UNC5D: variants seen among roughly 807,000 people sequenced by gnomAD.
The protein encoded by UNC5D is unc-5 netrin receptor D.
In UNC5D, 39 loss-of-function variants were observed where a neutral mutation model predicts 105.4. The observed-to-expected ratio is 0.37, with a 90% confidence interval of 0.29 to 0.48. UNC5D has a LOEUF of 0.48. Ranked by LOEUF, UNC5D falls within the 20% of genes least tolerant of loss-of-function variation. The pLI is 0.98. For synonymous variants in UNC5D, 452 were observed against 450.4 expected (o/e 1.00, Z -0.04); for missense variants, 991 against 1,202.4 (o/e 0.82, Z 2.60).
intron 4 of UNC5D, among the ~76,000 whole-genome samples, chr8:35,630,316 T>C (rs1015728892): frequency 2.6e-5 from 4 of 152,244 alleles, no homozygotes; most frequent in Non-Finnish European, 5.9e-5. Context: ...TGCTTTTTTA[T>C]GATTAGTGTA....
chr8:35,397,686 C>T (rs1479816943), intron 1 of UNC5D, among the ~76,000 whole-genome samples: 1 of 152,124 alleles, frequency 6.6e-6, no homozygotes, highest in Non-Finnish European at 1.5e-5. Context: ...GAGTCTGTCT[C>T]ATTTGTTCTC....
chr8:35,747,084 C>G (rs1830046612), intron 11 of UNC5D, among the ~76,000 whole-genome samples: 1 of 152,152 alleles, frequency 6.6e-6, no homozygotes, highest in Non-Finnish European at 1.5e-5. Context: ...GAAGAATTGT[C>G]CATTTTGGAC....
At chr8:35,560,782 A>G (rs1442232918) in intron 2 of UNC5D, among the ~76,000 whole-genome samples, 1 of 152,168 alleles carries the variant, frequency 6.6e-6, no homozygotes, top group Non-Finnish European at 1.5e-5. Flanking sequence ...TTGGGAAAAT[A>G]CTGTGTTTGG....
chr8:35,317,706 G>A (rs1258265069), intron 1 of UNC5D, among the ~76,000 whole-genome samples: 1 of 151,890 alleles, frequency 6.6e-6, no homozygotes, highest in Non-Finnish European at 1.5e-5. Context: ...ACTAAGGGTA[G>A]GTATGGAGAA....
chr8:35,560,630 G>C (rs1052097634), intron 2 of UNC5D, among the ~76,000 whole-genome samples: 3 of 152,272 alleles, frequency 2.0e-5, no homozygotes, highest in South Asian at 2.1e-4. Context: ...ATTTGCCAAG[G>C]CTTCTTTTAG....
chr8:35,409,772 A>G (rs10954988), intron 1 of UNC5D, among the ~76,000 whole-genome samples: 7,503 of 152,044 alleles, frequency 0.049, 215 homozygotes, highest in African/African-American at 0.073. Context: ...CCCTATGATC[A>G]TGCCTTGATG....
rs114631302 is a variant in UNC5D, at chr8:35,648,561, C to T, written c.571-34986C>T. ...GGGTATGGTTGCAGGCACCTGCAAT[C>T]CCAGCTATTCGGGAGGCTGAGGCTG... On this transcript the variant is annotated intron_variant, in intron 4 of 16. Transcript: ENST00000404895. Among the ~76,000 whole-genome samples the T allele has an allele frequency of 7.2e-3, 1,090 of 151,830 alleles. 22 individuals are homozygous for T. Among genetic ancestry groups the T allele is most frequent in the African/African-American group, 0.024 (1,003 of 41,404 alleles).
At chr8:35,751,026 G>A (rs777516789) in intron 13 of UNC5D, among the ~76,000 whole-genome samples, 1 of 152,148 alleles carries the variant, frequency 6.6e-6, no homozygotes, top group Non-Finnish European at 1.5e-5. Flanking sequence ...AGCCGGCTGT[G>A]TGGGATACCG....
At chr8:35,359,825 T>G (rs778879520) in intron 1 of UNC5D, among the ~76,000 whole-genome samples, 1 of 152,176 alleles carries the variant, frequency 6.6e-6, no homozygotes, top group Non-Finnish European at 1.5e-5. Flanking sequence ...AGCCTGGAAG[T>G]TGGGCTTGAT....
At chr8:35,659,129 T>A (rs550584393) in intron 4 of UNC5D, among the ~76,000 whole-genome samples, 1 of 152,332 alleles carries the variant, frequency 6.6e-6, no homozygotes, top group South Asian at 2.1e-4. Context: ...TTATAGTTTT[T>A]TTCCCCCTTC....
intron 1 of UNC5D, among the ~76,000 whole-genome samples, chr8:35,359,269 G>A (rs1801730272): frequency 6.6e-6 from 1 of 152,152 alleles, no homozygotes; most frequent in African/African-American, 2.4e-5. Context: ...CAAAGATCTG[G>A]CCAGTGTGAC....
intron 1 of UNC5D, among the ~76,000 whole-genome samples, chr8:35,424,933 G>A (rs1427429666): frequency 6.6e-6 from 1 of 152,182 alleles, no homozygotes; most frequent in Non-Finnish European, 1.5e-5. Flanking sequence ...CTGTGGTTGT[G>A]GGATAGTGAT....
chr8:35,627,666 C>A (rs534863227), intron 4 of UNC5D, among the ~76,000 whole-genome samples: 2 of 152,168 alleles, frequency 1.3e-5, no homozygotes, highest in Non-Finnish European at 1.5e-5. Context: ...CGGTGGCTCA[C>A]GTCTGTAATC....
At position 35,726,301 on chromosome 8, in the gene UNC5D, G is replaced by C. The variant is rs1280455365; in HGVS notation, c.1453G>C (p.Val485Leu). 6.2e-7 allele frequency: 1 copy of C among 1,614,090 alleles called. No homozygotes were observed. The highest frequency in any genetic ancestry group is 8.5e-7 in the Non-Finnish European group (1 of 1,180,000). ...FNPLSDIKVK[V>L]QSSFMVSLGV... ...CCCTTTGTCGGACATCAAAGTGAAA[G>C]TCCAGAGCTCGTTCATGGTTTCCCT... Residue 485 changes from valine to leucine, a missense_variant, in exon 10 of 17, where the codon GTC (valine) becomes CTC (leucine). By Grantham distance (32) the Val-to-Leu change is conservative. This residue lies in a region of UNC5D where 944 missense variants were observed against 1,131.6 expected (regional missense o/e 0.83). Coordinates refer to ENST00000404895, the MANE Select transcript of UNC5D (RefSeq NM_080872.4).
intron 1 of UNC5D, among the ~76,000 whole-genome samples, chr8:35,271,698 TGTATAC>T (rs1563268161): frequency 0.032 from 2,910 of 92,152 alleles, 162 homozygotes; most frequent in African/African-American, 0.064. Flanking sequence ...CATGTATACA[TGTATAC>T]ATATATATTT....
chr8:35,487,784 A>G (rs1426697661), intron 1 of UNC5D, among the ~76,000 whole-genome samples: 1 of 152,212 alleles, frequency 6.6e-6, no homozygotes, highest in Non-Finnish European at 1.5e-5. Context: ...GACTGTTGCT[A>G]GAAACGTGGA....
At chr8:35,620,303 C>G (rs1821283072) in intron 4 of UNC5D, among the ~76,000 whole-genome samples, 1 of 152,190 alleles carries the variant, frequency 6.6e-6, no homozygotes, top group African/African-American at 2.4e-5. Context: ...CGAGTTGTTA[C>G]AGTATTTCAC....
chr8:35,789,009 AGAG>A (rs1297863942), intron 16 of UNC5D, among the ~76,000 whole-genome samples: 1 of 151,030 alleles, frequency 6.6e-6, no homozygotes, highest in Non-Finnish European at 1.5e-5. Flanking sequence ...ATCTTGATAA[AGAG>A]GAGAAAGGGA....
At chr8:35,435,853 T>C (rs997885924) in intron 1 of UNC5D, among the ~76,000 whole-genome samples, 2 of 152,044 alleles carry the variant, frequency 1.3e-5, no homozygotes, top group Non-Finnish European at 2.9e-5. Context: ...TTCTGGTCAT[T>C]TTCTGAGCTG....
Sources: allele counts gnomAD v4.1 joint callset (sites outside exome capture counted in the v4.1 genomes callset), GRCh38; gene constraint gnomAD v4.1.1; regional missense constraint gnomAD v4.1.1; transcripts MANE v1.5; gene names NCBI Gene and HGNC (gene_info 2026-07-23, HGNC 2026-07-21).